SYT10: variants seen among roughly 807,000 people sequenced by gnomAD.
SYT10 encodes synaptotagmin 10.
Under a neutral mutation model 51.1 loss-of-function variants are expected in SYT10, and 31 were observed. That is an observed-to-expected ratio of 0.61 (90% CI 0.46 to 0.82). The LOEUF is 0.82. Among genes scored for constraint, SYT10 ranks in the 40% least tolerant of loss-of-function variants. The probability of loss-of-function intolerance (pLI) is 0.00; values close to 1 mark genes in which losing one functional copy is unlikely to be tolerated. For synonymous variants in SYT10, 233 were observed against 225.9 expected, an observed-to-expected ratio of 1.03 and a Z score of -0.28; for missense variants, 603 against 634.0, an observed-to-expected ratio of 0.95 and a Z score of 0.53.
At chr12:33,405,956 G>T (rs1866349378) in intron 3 of SYT10, 1 of 151,524 alleles carries the variant, frequency 6.6e-6, no homozygotes, top group African/African-American at 2.4e-5. Context: ...TGGTTAAATG[G>T]ATCATGTATT....
At chr12:33,416,852 T>A (rs1185181392) in intron 2 of SYT10, among the ~76,000 whole-genome samples, 1 of 152,118 alleles carries the variant, frequency 6.6e-6, no homozygotes, top group Non-Finnish European at 1.5e-5. Context: ...AGAGGAGGAT[T>A]CTTAGAAGTG....
At chr12:33,398,676 C>G (rs1866278130) in intron 3 of SYT10, among the ~76,000 whole-genome samples, 2 of 152,092 alleles carry the variant, frequency 1.3e-5, no homozygotes, top group South Asian at 4.2e-4. Context: ...TAATTTTTAG[C>G]ATCAAGGTCT....
At chr12:33,413,907 A>G (rs1385944037) in intron 2 of SYT10, among the ~76,000 whole-genome samples, 1 of 152,230 alleles carries the variant, frequency 6.6e-6, no homozygotes, top group East Asian at 1.9e-4. Flanking sequence ...TAAAGAGTCA[A>G]GACCCATGAG....
At chr12:33,415,885 C>T (rs559094062) in intron 2 of SYT10, among the ~76,000 whole-genome samples, 2 of 152,208 alleles carry the variant, frequency 1.3e-5, no homozygotes, top group African/African-American at 4.8e-5. Flanking sequence ...AATCCATTGA[C>T]CTCTATATCC....
intron 1 of SYT10, among the ~76,000 whole-genome samples, chr12:33,433,654 T>G (rs1484851097): frequency 1.3e-5 from 2 of 152,178 alleles, no homozygotes; most frequent in Non-Finnish European, 2.9e-5. Flanking sequence ...CATGTGTGCA[T>G]AGTCAAGTAA....
At chr12:33,422,016 T>C (rs1866509527) in intron 2 of SYT10, among the ~76,000 whole-genome samples, 1 of 152,096 alleles carries the variant, frequency 6.6e-6, no homozygotes, top group Admixed American at 6.6e-5. Context: ...AATTCATTTA[T>C]TGATTCTTTC....
At chr12:33,398,262 C>A (rs1298342044) in intron 3 of SYT10, among the ~76,000 whole-genome samples, 2 of 152,042 alleles carry the variant, frequency 1.3e-5, no homozygotes, top group East Asian at 1.9e-4. Flanking sequence ...ACCTGTAATC[C>A]CAGCACTTTG....
chr12:33,383,397 G>C (rs1259407464), intron 4 of SYT10, among the ~76,000 whole-genome samples: 1 of 151,820 alleles, frequency 6.6e-6, no homozygotes, highest in African/African-American at 2.4e-5. Context: ...CAAAATGATG[G>C]CAATATTAAT....
Position 33,439,733 on chromosome 12 carries a change from A to AGGCTGCGGCTGCCGCGAGGT in SYT10, c.-231_-212dup. The AGGCTGCGGCTGCCGCGAGGT allele has an allele frequency of 1.7e-6, 1 of 573,036 alleles. No homozygotes were observed. The highest frequency in any genetic ancestry group is 2.5e-5 in the South Asian group (1 of 40,576). 35.5% of individuals were successfully genotyped at this position (573,036 alleles called of 1,614,324 possible). A position where few individuals can be genotyped will look rare whatever the true frequency, so the allele number is the denominator to read the frequency against. The stretch of plus-strand genomic sequence containing the variant: ...GTAGGGGAAGGAGAGGCGCGCGAGG[A>AGGCTGCGGCTGCCGCGAGGT]GGCTGCGGCTGCCGCGAGGTTTGCG... On this transcript the variant is annotated 5_prime_UTR_variant, in exon 1 of 7. Transcript: ENST00000228567.
intron 1 of SYT10, among the ~76,000 whole-genome samples, chr12:33,438,987 G>C (rs1429886070): frequency 6.6e-6 from 1 of 152,198 alleles, no homozygotes; most frequent in Non-Finnish European, 1.5e-5. Flanking sequence ...AGTCCCACAG[G>C]TGAGCCGCCC....
At chr12:33,402,430 T>C (rs1161210155) in intron 3 of SYT10, among the ~76,000 whole-genome samples, 2 of 152,210 alleles carry the variant, frequency 1.3e-5, no homozygotes, top group African/African-American at 4.8e-5. Flanking sequence ...AATATTTTCA[T>C]ATGGGATATA....
chr12:33,401,220 C>T (rs1179335182), intron 3 of SYT10, among the ~76,000 whole-genome samples: 1 of 152,018 alleles, frequency 6.6e-6, no homozygotes, highest in East Asian at 1.9e-4. Context: ...ACTAAATTCC[C>T]GTGTGTCTTT....
intron 2 of SYT10, among the ~76,000 whole-genome samples, chr12:33,413,718 A>G (rs916583120): frequency 5.3e-5 from 8 of 152,236 alleles, no homozygotes; most frequent in African/African-American, 1.4e-4. Flanking sequence ...GGTACCAGCC[A>G]CTGCAAAAAC....
At chr12:33,397,677 T>A (rs991961427) in intron 3 of SYT10, among the ~76,000 whole-genome samples, 31 of 151,530 alleles carry the variant, frequency 2.0e-4, no homozygotes, top group Non-Finnish European at 3.7e-4. Flanking sequence ...TGCAGACTGG[T>A]GAGGGAACAG....
intron 2 of SYT10, among the ~76,000 whole-genome samples, chr12:33,417,051 G>A (rs1181245109): frequency 6.6e-6 from 1 of 152,154 alleles, no homozygotes. Flanking sequence ...AAAATGGGAA[G>A]TAAGGTAATT....
intron 2 of SYT10, 79 bp from the exon 3 acceptor site, chr12:33,407,435 T>G: frequency 7.1e-5 from 101 of 1,424,688 alleles, no homozygotes; most frequent in Non-Finnish European, 9.1e-5. Context: ...ATATAAACTC[T>G]TCCCCACCCC....
intron 2 of SYT10, among the ~76,000 whole-genome samples, chr12:33,414,482 T>C (rs1866436650): frequency 1.3e-5 from 2 of 152,186 alleles, no homozygotes; most frequent in Non-Finnish European, 2.9e-5. Flanking sequence ...AAACTGTCTC[T>C]CAGACCACAG....
chr12:33,390,179 C>T (rs1426722538), intron 3 of SYT10, among the ~76,000 whole-genome samples: 2 of 152,172 alleles, frequency 1.3e-5, no homozygotes. Flanking sequence ...GAAAAGACCA[C>T]AAACAATCGC....
At position 33,426,476 on chromosome 12, in the gene SYT10, T is replaced by C; in HGVS notation, c.171A>G (p.Leu57=). ...GTCCACAAAAGCTGACAACGACAGC[T>C]AACAGGCTGACTGAAATATCTGGAA... ...GSSTDISVSL[L]AVVVSFCGLA... is the part of the protein sequence containing the mutation. Residue 57 remains leucine, a synonymous_variant, in exon 2 of 7, where the codon TTA becomes TTG. Transcript: ENST00000228567. 1 of 1,581,914 alleles carries C rather than the reference T, an allele frequency of 6.3e-7. No individual in the cohort carries two copies. Among genetic ancestry groups the C allele is most frequent in the Non-Finnish European group, 8.6e-7 (1 of 1,167,640 alleles).
Sources: gnomAD v4.1 joint callset for allele counts (sites outside exome capture counted in the v4.1 genomes callset) on GRCh38, gnomAD v4.1.1 for gene constraint, MANE v1.5 for transcripts, NCBI Gene and HGNC (gene_info 2026-07-23, HGNC 2026-07-21) for gene names.